The following PHLDB3 variants were observed in gnomAD, a reference collection of about 807,000 sequenced individuals.
PHLDB3 encodes pleckstrin homology-like domain family B member 3.
Under a neutral mutation model 85.7 loss-of-function variants are expected in PHLDB3, and 86 were observed. The ratio of observed to expected loss-of-function variants is 1.00; its 90% CI spans 0.84 to 1.20. PHLDB3 has a LOEUF of 1.20. Ranked by LOEUF, PHLDB3 falls within the 50% of genes most tolerant of loss-of-function variation. The probability of loss-of-function intolerance (pLI) is 0.00; values close to 1 mark genes in which losing one functional copy is unlikely to be tolerated. For synonymous variants in PHLDB3, 376 were observed against 349.8 expected, an observed-to-expected ratio of 1.07 and a Z score of -0.83; for missense variants, 995 against 873.0, an observed-to-expected ratio of 1.14 and a Z score of -1.76.
chr19:43,504,484 T>G, intron 1 of PHLDB3, 105 bp downstream of exon 1: 3 of 292,210 alleles, frequency 1.0e-5, no homozygotes, highest in Non-Finnish European at 1.3e-5. Context: ...ACCCATCTTC[T>G]CCCTCCGAGA....
At chr19:43,487,574 C>CAAAAAAAAAAAAAAAAAAAAAAA (rs760708749) in intron 9 of PHLDB3, among the ~76,000 whole-genome samples, 6 of 38,516 alleles carry the variant, frequency 1.6e-4, no homozygotes, top group Non-Finnish European at 2.1e-4. Context: ...GACTCTGTCT[C>CAAAAAAAAAAAAAAAAAAAAAAA]AAAAAAAAAA....
At chr19:43,492,289 G>A (rs897113137) in intron 9 of PHLDB3, among the ~76,000 whole-genome samples, 2 of 152,176 alleles carry the variant, frequency 1.3e-5, no homozygotes, top group African/African-American at 4.8e-5. Flanking sequence ...GTTTCACCAA[G>A]TTGGCCAGGC....
chr19:43,486,938 G>A, intron 10 of PHLDB3, 68 bp from the exon 11 acceptor site: 2 of 1,476,806 alleles, frequency 1.4e-6, no homozygotes, highest in Non-Finnish European at 1.8e-6. Flanking sequence ...CTTCTCCCCT[G>A]CAGGCATAGG....
At chr19:43,486,439 T>G in intron 12 of PHLDB3, 117 bp from the exon 13 acceptor site, 1 of 1,272,908 alleles carries the variant, frequency 7.9e-7, no homozygotes, top group South Asian at 1.4e-5. Flanking sequence ...CCTGGACTCC[T>G]GGGTATGAGG....
In PHLDB3 at chr19:43,495,739, G is replaced by A. The variant is rs181910100; in HGVS notation, c.826-119C>T. On this transcript the variant is annotated intron_variant, in intron 6 of 15. Transcript: ENST00000292140. ...AGCCACTCCCAGAGACCATGGGATC[G>A]GAGTGTCCAGGGCTGGGGACCCAGC... The A allele has an allele frequency of 9.3e-5, 130 of 1,405,316 alleles. No individual in the cohort carries two copies. The African/African-American group carries it at 1.4e-3, about 15-fold the overall frequency. 87.1% of individuals were successfully genotyped at this position (1,405,316 alleles called of 1,614,324 possible).
At chr19:43,492,053 T>A (rs1971331658) in intron 9 of PHLDB3, among the ~76,000 whole-genome samples, 2 of 151,176 alleles carry the variant, frequency 1.3e-5, no homozygotes, top group Admixed American at 6.6e-5. Context: ...CCTTCCGGGT[T>A]CAAGCGATTC....
chr19:43,488,686 T>G (rs912937539), intron 9 of PHLDB3, among the ~76,000 whole-genome samples: 2 of 152,162 alleles, frequency 1.3e-5, no homozygotes, highest in African/African-American at 2.4e-5. Context: ...CAAAGTGATC[T>G]GAGTTCAAGG....
intron 9 of PHLDB3, among the ~76,000 whole-genome samples, chr19:43,494,218 C>T (rs1328972358): frequency 6.6e-6 from 1 of 152,050 alleles, no homozygotes; most frequent in Non-Finnish European, 1.5e-5. Flanking sequence ...CCATATTGGC[C>T]AGGCTGGTCT....
rs548022969 is a variant in PHLDB3, at chr19:43,475,226, C to T, written c.*184G>A. The T allele has an allele frequency of 1.3e-6, 1 of 786,816 alleles. No individual in the cohort carries two copies. The highest frequency in any genetic ancestry group is 1.9e-6 in the Non-Finnish European group (1 of 516,586). The allele number at this position is 786,816 out of a possible 1,614,324, so 48.7% of individuals were successfully genotyped here. A position where few individuals can be genotyped will look rare whatever the true frequency, so the allele number is the denominator to read the frequency against. On this transcript the variant is annotated 3_prime_UTR_variant, in exon 16 of 16. Transcript: ENST00000292140. ...TAGGGGCCGGCGATCCCGTCGGGGG[C>T]AAGGCACCTGCAACCCAGAACGCAG...
rs759402249 is a variant in PHLDB3 at position 43,494,709 on chromosome 19, G to T, written c.1142C>A (p.Ser381Tyr). ...TSSCLFSVHS[S>Y]LQGSIGLQRT... ...AGGCCGTGGGGGAGGCACCTGCAGG[G>T]AGCTGTGGACAGAAAAGAGGCAGGA... Residue 381 changes from serine to tyrosine, a missense_variant, in exon 9 of 16, where the codon TCC becomes TAC. Coordinates refer to ENST00000292140, the MANE Select transcript of PHLDB3 (RefSeq NM_198850.4). 4.3e-6 allele frequency: 7 copies of T among 1,610,934 alleles called. No individual in the cohort carries two copies.
Position 43,475,519 on chromosome 19 carries a change from C to A in PHLDB3, c.1814G>T (p.Cys605Phe). Residue 605 changes from cysteine to phenylalanine, a missense_variant, in exon 16 of 16, where the codon TGC becomes TTC. Physicochemically the swap from Cys to Phe is radical, Grantham distance 205 (BLOSUM62 -2). Coordinates refer to ENST00000292140, the MANE Select transcript of PHLDB3 (RefSeq NM_198850.4). ...FKSPNPRLTF[C>F]VKTYERLFYM... ...GAAAAGGCGTTCGTAGGTTTTGACG[C>A]AGAAGGTCAGGCGGGGGTTGGGGCT... The A allele has an allele frequency of 6.2e-7, 1 of 1,613,958 alleles. No individual in the cohort carries two copies. Among genetic ancestry groups the A allele is most frequent in the Non-Finnish European group, 8.5e-7 (1 of 1,179,874 alleles).
At chr19:43,478,635 G>A (rs1336444607) in intron 14 of PHLDB3, among the ~76,000 whole-genome samples, 1 of 152,198 alleles carries the variant, frequency 6.6e-6, no homozygotes, top group Admixed American at 6.5e-5. Flanking sequence ...GTCCAAGGAG[G>A]CTGGGTGCAG....
intron 9 of PHLDB3, among the ~76,000 whole-genome samples, chr19:43,493,429 G>T (rs975399700): frequency 6.6e-6 from 1 of 151,986 alleles, no homozygotes. Context: ...TGAGCCTAAG[G>T]GTTCAAGACC....
chr19:43,504,330 C>G lies in PHLDB3; in HGVS notation c.-14-198G>C. On this transcript the variant is annotated intron_variant, in intron 1 of 15. Transcript: ENST00000292140. ...TGATGGCTCCAAGGCGACACGCCACCGGAGACGGGACCGGAATTTGAGTCC... is the reference window on the plus strand; with the variant it reads ...TGATGGCTCCAAGGCGACACGCCACGGGAGACGGGACCGGAATTTGAGTCC... The G allele has an allele frequency of 5.0e-6, 3 of 602,624 alleles. No homozygotes were observed. The South Asian group carries it at 6.3e-5, about 13-fold the overall frequency. The allele number at this position is 602,624 out of a possible 1,614,324, so 37.3% of individuals were successfully genotyped here. A position where few individuals can be genotyped will look rare whatever the true frequency, so the allele number is the denominator to read the frequency against.
intron 9 of PHLDB3, among the ~76,000 whole-genome samples, chr19:43,493,915 G>C (rs1223328798): frequency 6.6e-6 from 1 of 152,082 alleles, no homozygotes; most frequent in African/African-American, 2.4e-5. Flanking sequence ...TGGAATATTT[G>C]GGTTGAGCAT....
chr19:43,499,830 C>T (rs547425061), intron 4 of PHLDB3, among the ~76,000 whole-genome samples: 10 of 152,166 alleles, frequency 6.6e-5, no homozygotes, highest in Admixed American at 5.9e-4. Context: ...ACCTCCACCT[C>T]CCGGATTCAA....
chr19:43,504,204 C>T (rs1971696573), intron 1 of PHLDB3, 72 bp from the exon 2 acceptor site: 4 of 1,355,766 alleles, frequency 3.0e-6, no homozygotes, highest in Admixed American at 2.7e-5. Context: ...GCGTCTGCTC[C>T]GGGGCGCGGA....
At chr19:43,495,162 G>T in intron 8 of PHLDB3, 94 bp downstream of exon 8, 2 of 1,303,580 alleles carry the variant, frequency 1.5e-6, no homozygotes, top group Non-Finnish European at 2.2e-6. Context: ...GAGGGGCTAG[G>T]GCCTGGACTC....
chr19:43,482,587 G>A (rs1971070541), intron 13 of PHLDB3, among the ~76,000 whole-genome samples: 1 of 152,332 alleles, frequency 6.6e-6, no homozygotes, highest in African/African-American at 2.4e-5. Flanking sequence ...CACCCAGGCT[G>A]GAGAGCAGTG....
Sources: allele counts gnomAD v4.1 joint callset (sites outside exome capture counted in the v4.1 genomes callset), GRCh38; gene constraint gnomAD v4.1.1; transcripts MANE v1.5; gene names NCBI Gene and HGNC (gene_info 2026-07-23, HGNC 2026-07-21).